PPFIBP2: variants seen among roughly 807,000 people sequenced by gnomAD.
The protein encoded by PPFIBP2 is PPFIB scaffold protein 2, also known as liprin-beta-2.
In PPFIBP2, 118 loss-of-function variants were observed where a neutral mutation model predicts 118.3. The observed-to-expected ratio is 1.00, with a 90% CI of 0.86 to 1.16. The LOEUF is 1.16. Among genes scored for constraint, PPFIBP2 ranks in the 50% most tolerant of loss-of-function variants. The pLI, the probability that PPFIBP2 is intolerant of heterozygous loss-of-function variation, is 0.00. For synonymous variants in PPFIBP2, 414 were observed against 397.4 expected (o/e 1.04, Z -0.50); for missense variants, 1,195 against 1,073.1 (o/e 1.11, Z -1.59).
rs141647571 is a variant in PPFIBP2 at position 7,623,966 on chromosome 11, C to T, written c.712-1811C>T. Among the ~76,000 whole-genome samples the T allele has an allele frequency of 2.2e-3, 336 of 152,334 alleles. 1 individual carries two copies. Among genetic ancestry groups the T allele is most frequent in the Non-Finnish European group, 3.6e-3 (248 of 68,030 alleles). ...ATGTCTCAGAAAGTGGGTTACACAG[C>T]AGGACCCAGCTCTTGGCCTCTGTGA... On this transcript the variant is annotated intron_variant, in intron 7 of 23. Transcript: ENST00000299492.
intron 2 of PPFIBP2, among the ~76,000 whole-genome samples, chr11:7,560,836 C>T (rs529762762): frequency 3.3e-5 from 5 of 152,302 alleles, no homozygotes; most frequent in East Asian, 1.9e-4. Context: ...CAACAATTTA[C>T]GTAGGTGAAA....
At chr11:7,535,695 G>T (rs1851140118) in intron 1 of PPFIBP2, among the ~76,000 whole-genome samples, 1 of 152,218 alleles carries the variant, frequency 6.6e-6, no homozygotes, top group Non-Finnish European at 1.5e-5. Context: ...GCTCCAATTT[G>T]GATGCCAGCT....
chr11:7,549,781 C>G (rs10769805), intron 2 of PPFIBP2, among the ~76,000 whole-genome samples: 59,398 of 151,792 alleles, frequency 0.39, 12,419 homozygotes, highest in African/African-American at 0.54. Flanking sequence ...TACCTACCAT[C>G]TACCGTCTCA....
intron 6 of PPFIBP2, among the ~76,000 whole-genome samples, chr11:7,615,636 T>C (rs188741514): frequency 3.1e-4 from 47 of 152,352 alleles, no homozygotes; most frequent in African/African-American, 1.1e-3. Flanking sequence ...TTGTTTGTTT[T>C]TCTCACTTGC....
At chr11:7,521,886 C>T (rs1392324607) in intron 1 of PPFIBP2, among the ~76,000 whole-genome samples, 2 of 152,084 alleles carry the variant, frequency 1.3e-5, no homozygotes, top group Non-Finnish European at 2.9e-5. Context: ...GAAGAGTGGG[C>T]CCATATGGCT....
intron 3 of PPFIBP2, chr11:7,577,334 T>TGTGTGC: frequency 4.1e-5 from 11 of 271,106 alleles, no homozygotes; most frequent in African/African-American, 2.0e-4. Flanking sequence ...TGTGTGTGTG[T>TGTGTGC]GTGTGTGTGT....
chr11:7,560,420 A>G (rs1329167417), intron 2 of PPFIBP2, among the ~76,000 whole-genome samples: 2 of 152,210 alleles, frequency 1.3e-5, no homozygotes, highest in Non-Finnish European at 2.9e-5. Flanking sequence ...TATATATACC[A>G]TATACATATA....
chr11:7,516,940 AG>A (rs752142678), intron 1 of PPFIBP2, among the ~76,000 whole-genome samples: 55 of 152,156 alleles, frequency 3.6e-4, no homozygotes, highest in Non-Finnish European at 6.5e-4. Context: ...AAAAGGGAAA[AG>A]GGGTGACTTT....
chr11:7,597,786 G>A (rs1860635979), intron 5 of PPFIBP2, 113 bp downstream of exon 5: 3 of 878,858 alleles, frequency 3.4e-6, no homozygotes, highest in Admixed American at 2.1e-5. Flanking sequence ...CTGCCTGGGG[G>A]CGGGATTGGC....
intron 1 of PPFIBP2, among the ~76,000 whole-genome samples, chr11:7,530,931 G>A (rs1008865396): frequency 3.9e-5 from 6 of 152,116 alleles, no homozygotes; most frequent in African/African-American, 1.4e-4. Flanking sequence ...AACTGTTTGG[G>A]TATCTTCTAT....
rs758806910 is a variant in PPFIBP2, at chr11:7,649,212, C to T, written c.1975C>T (p.Arg659Ter). The T allele has an allele frequency of 4.1e-5, 66 of 1,613,644 alleles. No homozygotes were observed. The highest frequency in any genetic ancestry group is 5.2e-5 in the Non-Finnish European group (61 of 1,179,684). The change falls in exon 20 of 24, where the codon CGA (arginine) becomes TGA (stop). Residue 659 changes from arginine to a stop codon, truncating the protein, a stop_gained. Transcript: ENST00000299492. LOFTEE classifies it high-confidence loss of function. Reference sequence around the variant, plus strand: ...GTTTCATGAATCTAGAGTTGACAGACGAATGCTGCAATACCTAACTGTGGT... The same window carrying T: ...GTTTCATGAATCTAGAGTTGACAGATGAATGCTGCAATACCTAACTGTGGT... Reference protein sequence around the residue: ...DQFHESRVDRRMLQYLTVNDL... With the variant: ...DQFHESRVDR
chr11:7,630,980 C>G lies in PPFIBP2; in HGVS notation c.1020C>G (p.Ser340Arg), dbSNP rs780370821. Residue 340 changes from serine to arginine, a missense_variant, in exon 11 of 24, where the codon AGC becomes AGG. Transcript: ENST00000299492. ...INEEEPEGGF[S>R]KWNATNKDPE... ...AAGAAGAACCGGAGGGAGGTTTCAG[C>G]AAGTGGAACGCTACAAATAAGGACC... is the stretch of plus-strand genomic sequence containing the variant. 3.3e-5 allele frequency: 53 copies of G among 1,614,000 alleles called. No individual in the cohort carries two copies. The highest frequency in any genetic ancestry group is 4.2e-5 in the Non-Finnish European group (50 of 1,179,994).
intron 7 of PPFIBP2, 65 bp from the exon 8 acceptor site, chr11:7,625,712 G>A: frequency 7.5e-7 from 1 of 1,337,100 alleles, no homozygotes. Context: ...GACTCTGACG[G>A]GAGGCACTTC....
At chr11:7,645,803 C>T (rs1373528053) in intron 17 of PPFIBP2, among the ~76,000 whole-genome samples, 1 of 152,020 alleles carries the variant, frequency 6.6e-6, no homozygotes, top group East Asian at 1.9e-4. Flanking sequence ...CCCTTTAGAG[C>T]TGAAATGTTA....
At position 7,555,481 on chromosome 11, in the gene PPFIBP2, T is replaced by C. The variant is rs541775940; in HGVS notation, c.64+5942T>C. Among the ~76,000 whole-genome samples, 4 of 152,308 alleles carry C rather than the reference T, an allele frequency of 2.6e-5. No individual in the cohort carries two copies. In the East Asian group the frequency reaches 7.7e-4, roughly 29 times the overall value. On this transcript the variant is annotated intron_variant, in intron 2 of 23. Transcript: ENST00000299492. ...AAGTCAGCTGTGGTGCTGAGGACTG[T>C]TGAGTCCATACTCTGAACAGTCCTT...
intron 23 of PPFIBP2, among the ~76,000 whole-genome samples, chr11:7,652,691 TG>T (rs1414409788): frequency 6.6e-6 from 1 of 152,244 alleles, no homozygotes; most frequent in Non-Finnish European, 1.5e-5. Flanking sequence ...AAGTTCTCTG[TG>T]CTTCGCCTCA....
At chr11:7,522,130 G>C (rs901374148) in intron 1 of PPFIBP2, among the ~76,000 whole-genome samples, 1 of 152,200 alleles carries the variant, frequency 6.6e-6, no homozygotes, top group African/African-American at 2.4e-5. Flanking sequence ...CAGGCTGTTA[G>C]AATAACCCAC....
chr11:7,628,325 G>C lies in PPFIBP2; in HGVS notation c.867G>C (p.Leu289Phe), dbSNP rs376451353. The C allele has an allele frequency of 6.2e-5, 100 of 1,613,826 alleles. No individual in the cohort carries two copies. The highest frequency in any genetic ancestry group is 8.3e-5 in the Non-Finnish European group (98 of 1,179,916). Residue 289 changes from leucine (L) to phenylalanine (F), a missense_variant, in exon 9 of 24, where the codon TTG (leucine) becomes TTC (phenylalanine). Coordinates refer to ENST00000299492, the MANE Select transcript of PPFIBP2 (RefSeq NM_003621.5). ...IQRLKMGMET[L>F]LLANEDKDRR... is the part of the protein sequence containing the mutation. ...GTCTGAAAATGGGGATGGAAACTTT[G>C]CTGCTTGCCAATGAAGATAAGGTAA... is the stretch of plus-strand genomic sequence containing the variant.
chr11:7,570,244 C>T (rs918631258), intron 3 of PPFIBP2, among the ~76,000 whole-genome samples: 1 of 152,154 alleles, frequency 6.6e-6, no homozygotes, highest in Non-Finnish European at 1.5e-5. Context: ...CTCTACAGGG[C>T]TGGGGATAGC....
Sources: allele counts gnomAD v4.1 joint callset (sites outside exome capture counted in the v4.1 genomes callset), GRCh38; gene constraint gnomAD v4.1.1; transcripts MANE v1.5; gene names NCBI Gene and HGNC (gene_info 2026-07-23, HGNC 2026-07-21).